The following CCBE1 variants were observed in gnomAD, a reference collection of about 807,000 sequenced individuals.
CCBE1 encodes the protein collagen and calcium binding EGF domains 1, also known as collagen and calcium-binding EGF domain-containing protein 1.
In CCBE1, 37 loss-of-function variants were observed where a neutral mutation model predicts 50.0. The ratio of observed to expected loss-of-function variants is 0.74; its 90% confidence interval spans 0.57 to 0.97. The LOEUF is 0.97. Ranked by LOEUF, CCBE1 falls within the 50% of genes least tolerant of loss-of-function variation. The probability of loss-of-function intolerance (pLI) is 0.00; values close to 1 mark genes in which losing one functional copy is unlikely to be tolerated. For missense variants in CCBE1, 538 were observed against 523.8 expected (o/e 1.03, Z -0.26); for synonymous variants, 234 against 203.7 (o/e 1.15, Z -1.27).
intron 3 of CCBE1, among the ~76,000 whole-genome samples, chr18:59,472,971 C>CA (rs760736177): frequency 2.0e-5 from 3 of 152,146 alleles, no homozygotes; most frequent in Non-Finnish European, 4.4e-5. Context: ...ACCATGAGAA[C>CA]AGTATGGGGA....
At chr18:59,465,344 C>CT (rs34089734) in intron 5 of CCBE1, 55,494 of 151,722 alleles carry the variant, frequency 0.37, 10,897 homozygotes, top group East Asian at 0.67. Context: ...CTTTCTTCTT[C>CT]TCTCTTTCCT....
intron 3 of CCBE1, among the ~76,000 whole-genome samples, chr18:59,472,299 C>T (rs1231021123): frequency 6.6e-6 from 1 of 152,174 alleles, no homozygotes; most frequent in Admixed American, 6.5e-5. Flanking sequence ...CAGTTGTTAC[C>T]TCAATGATAC....
intron 2 of CCBE1, among the ~76,000 whole-genome samples, chr18:59,514,061 A>G (rs1047547475): frequency 3.9e-5 from 6 of 152,160 alleles, no homozygotes; most frequent in African/African-American, 1.2e-4. Flanking sequence ...ATCCTTTCCA[A>G]TGAACCCTCA....
intron 2 of CCBE1, among the ~76,000 whole-genome samples, chr18:59,571,354 A>T (rs962921503): frequency 1.3e-5 from 2 of 152,040 alleles, no homozygotes; most frequent in Non-Finnish European, 2.9e-5. Context: ...GGAAACCATC[A>T]TTCTCAGCAC....
At chr18:59,444,842 G>A (rs1342348122) in intron 7 of CCBE1, among the ~76,000 whole-genome samples, 1 of 152,052 alleles carries the variant, frequency 6.6e-6, no homozygotes, top group Non-Finnish European at 1.5e-5. Context: ...TTGGCCATTT[G>A]TATGTCTTCT....
intron 2 of CCBE1, among the ~76,000 whole-genome samples, chr18:59,575,008 A>T (rs1194383933): frequency 1.3e-5 from 2 of 152,166 alleles, no homozygotes; most frequent in Admixed American, 6.5e-5. Context: ...ATGCAGAGAC[A>T]CACACACAGG....
chr18:59,458,924 T>C (rs546067602), intron 5 of CCBE1: 1 of 152,226 alleles, frequency 6.6e-6, no homozygotes, highest in East Asian at 1.9e-4. Flanking sequence ...GTAAGGAGAG[T>C]AGGCGCTGGT....
intron 2 of CCBE1, among the ~76,000 whole-genome samples, chr18:59,633,693 ATT>A (rs1405519266): frequency 1.5e-4 from 23 of 152,162 alleles, no homozygotes; most frequent in African/African-American, 5.3e-4. Flanking sequence ...AAGCCAATCC[ATT>A]CAAAGACAGG....
rs761718260 is a variant in CCBE1, at chr18:59,436,053, T to A, written c.1076A>T (p.His359Leu). The change falls in exon 11 of 11, where the codon CAC (histidine) becomes CTC (leucine). Residue 359 changes from histidine (H) to leucine (L), a missense_variant. His to Leu is a moderately conservative substitution (Grantham distance 99, BLOSUM62 -3). Coordinates refer to ENST00000439986, the MANE Select transcript of CCBE1 (RefSeq NM_133459.4). Reference sequence around the variant, plus strand: ...CTCCTCTGCTGAAGAGTGAGTCCGGTGCCCGAACACCTTTTCCTGCAGCTC... The same window carrying A: ...CTCCTCTGCTGAAGAGTGAGTCCGGAGCCCGAACACCTTTTCCTGCAGCTC... ...ITELQEKVFG[H>L]RTHSSAEEFP... is the part of the protein sequence containing the mutation. 5.0e-6 allele frequency: 8 copies of A among 1,614,054 alleles called. No individual in the cohort carries two copies. In the East Asian group the frequency reaches 1.8e-4, roughly 36 times the overall value.
chr18:59,449,499 G>C (rs1323350070), intron 6 of CCBE1, among the ~76,000 whole-genome samples: 1 of 152,066 alleles, frequency 6.6e-6, no homozygotes, highest in African/African-American at 2.4e-5. Flanking sequence ...GTGCACGCCT[G>C]TAGTCCCGGC....
intron 7 of CCBE1, among the ~76,000 whole-genome samples, chr18:59,440,115 C>T (rs899622407): frequency 3.3e-5 from 5 of 152,304 alleles, no homozygotes; most frequent in Non-Finnish European, 7.3e-5. Context: ...GTGGCCAGCT[C>T]CTGTGCATTT....
At chr18:59,536,981 ACT>A (rs1414987799) in intron 2 of CCBE1, among the ~76,000 whole-genome samples, 1 of 130,182 alleles carries the variant, frequency 7.7e-6, no homozygotes, top group South Asian at 2.5e-4. Context: ...ACAGAGTGAG[ACT>A]CTGTCTCAAA....
intron 2 of CCBE1, among the ~76,000 whole-genome samples, chr18:59,683,807 G>T (rs1334413824): frequency 6.6e-6 from 1 of 152,094 alleles, no homozygotes; most frequent in African/African-American, 2.4e-5. Context: ...AAGCCAGATG[G>T]CCAAGGGCTG....
intron 2 of CCBE1, among the ~76,000 whole-genome samples, chr18:59,506,584 T>G (rs1210803792): frequency 1.3e-5 from 2 of 152,160 alleles, no homozygotes; most frequent in African/African-American, 2.4e-5. Context: ...GTAAGAACCT[T>G]GTAAAAATGG....
At position 59,433,888 on chromosome 18, in the gene CCBE1, G is replaced by A. The variant is rs113599524; in HGVS notation, c.*2020C>T. ...ATTACAGGCATGAGCCACCAAGCCC[G>A]GCCTTTTTTTTTTTTTTTTTTTTTT... is the stretch of plus-strand genomic sequence containing the variant. On this transcript the variant is annotated 3_prime_UTR_variant, in exon 11 of 11. Transcript: ENST00000439986. The A allele has an allele frequency of 0.16, 16,242 of 103,904 alleles. 1,094 individuals are homozygous for A. Among genetic ancestry groups the A allele is most frequent in the African/African-American group, 0.23 (5,460 of 23,440 alleles). The allele number at this position is 103,904 out of a possible 1,614,324, so 6.4% of individuals were successfully genotyped here.
intron 2 of CCBE1, among the ~76,000 whole-genome samples, chr18:59,616,619 C>A (rs1453152215): frequency 6.6e-6 from 1 of 152,138 alleles, no homozygotes; most frequent in Admixed American, 6.5e-5. Flanking sequence ...TCAGTCCTGG[C>A]CCTAAGACCC....
intron 2 of CCBE1, among the ~76,000 whole-genome samples, chr18:59,672,106 T>C (rs2054440255): frequency 6.6e-6 from 1 of 152,100 alleles, no homozygotes; most frequent in South Asian, 2.1e-4. Flanking sequence ...TAAACTATTA[T>C]GAAAAGGGAA....
intron 2 of CCBE1, among the ~76,000 whole-genome samples, chr18:59,502,514 T>G (rs1275813011): frequency 6.6e-6 from 1 of 152,162 alleles, no homozygotes; most frequent in Non-Finnish European, 1.5e-5. Flanking sequence ...CCAGATTCTT[T>G]TGTGTGACTG....
At chr18:59,679,753 A>C (rs2054560580) in intron 2 of CCBE1, among the ~76,000 whole-genome samples, 1 of 152,206 alleles carries the variant, frequency 6.6e-6, no homozygotes, top group Non-Finnish European at 1.5e-5. Flanking sequence ...CAGCCTCAGG[A>C]GGTCCTGACT....
Sources: gnomAD v4.1 joint callset for allele counts (sites outside exome capture counted in the v4.1 genomes callset) on GRCh38, gnomAD v4.1.1 for gene constraint, MANE v1.5 for transcripts, NCBI Gene and HGNC (gene_info 2026-07-23, HGNC 2026-07-21) for gene names.